Variants in AUH observed in about 807,000 individuals in gnomAD.
The protein encoded by AUH is methylglutaconyl-CoA hydratase, mitochondrial.
AUH carries 29 observed loss-of-function variants against 42.3 expected under a neutral mutation model. The ratio of observed to expected loss-of-function variants is 0.69; its 90% confidence interval spans 0.51 to 0.93. The LOEUF (loss-of-function observed/expected upper bound fraction) is 0.93, where lower values mean the gene tolerates loss of function less well. AUH is among the 40% of genes least tolerant of loss of function. The pLI, the probability that AUH is intolerant of heterozygous loss-of-function variation, is 0.00. For missense variants in AUH, 452 were observed against 438.1 expected, an observed-to-expected ratio of 1.03 and a Z score of -0.28; for synonymous variants, 174 against 166.4, an observed-to-expected ratio of 1.05 and a Z score of -0.35.
At chr9:91,230,465 T>G (rs1487004870) in intron 6 of AUH, among the ~76,000 whole-genome samples, 1 of 151,722 alleles carries the variant, frequency 6.6e-6, no homozygotes, top group East Asian at 1.9e-4. Flanking sequence ...CTAAATTTTT[T>G]TCAAAGTTTT....
At chr9:91,227,734 C>T (rs987355003) in intron 6 of AUH, among the ~76,000 whole-genome samples, 1 of 151,886 alleles carries the variant, frequency 6.6e-6, no homozygotes, top group African/African-American at 2.4e-5. Flanking sequence ...CCCATCAATA[C>T]CTAATTTATT....
At chr9:91,313,479 G>C (rs1237733935) in intron 4 of AUH, among the ~76,000 whole-genome samples, 1 of 152,026 alleles carries the variant, frequency 6.6e-6, no homozygotes, top group Admixed American at 6.6e-5. Context: ...GCCGAGGCGG[G>C]TGGATCATGA....
chr9:91,219,034 C>CA, intron 7 of AUH: 1 of 985,418 alleles, frequency 1.0e-6, no homozygotes, highest in Non-Finnish European at 1.2e-6. Flanking sequence ...GGCACATGCA[C>CA]AGGGACTGTG....
intron 3 of AUH, among the ~76,000 whole-genome samples, chr9:91,340,493 C>A (rs1055209728): frequency 6.6e-6 from 1 of 152,108 alleles, no homozygotes; most frequent in African/African-American, 2.4e-5. Flanking sequence ...CCCCGAAAAG[C>A]AATACATTAT....
At chr9:91,321,112 C>T (rs1829535728) in intron 4 of AUH, among the ~76,000 whole-genome samples, 1 of 152,052 alleles carries the variant, frequency 6.6e-6, no homozygotes, top group Non-Finnish European at 1.5e-5. Context: ...GTATTTTGAC[C>T]AATATCAATA....
intron 3 of AUH, among the ~76,000 whole-genome samples, chr9:91,328,137 CA>C (rs777541852): frequency 1.2e-4 from 18 of 152,320 alleles, no homozygotes; most frequent in Non-Finnish European, 2.4e-4. Flanking sequence ...GAGGCCAATC[CA>C]TCCCCTTGTG....
chr9:91,245,354 T>C (rs1443778008), intron 6 of AUH, among the ~76,000 whole-genome samples: 1 of 152,100 alleles, frequency 6.6e-6, no homozygotes, highest in African/African-American at 2.4e-5. Context: ...TGGCAGCCAA[T>C]GAAAAGTTTT....
intron 1 of AUH, among the ~76,000 whole-genome samples, chr9:91,360,088 C>T (rs1196783593): frequency 6.6e-6 from 1 of 151,958 alleles, no homozygotes; most frequent in Non-Finnish European, 1.5e-5. Flanking sequence ...ATTCTCTCTT[C>T]TGTCCATTCA....
At chr9:91,348,919 T>C (rs1831739314) in intron 3 of AUH, among the ~76,000 whole-genome samples, 3 of 152,182 alleles carry the variant, frequency 2.0e-5, no homozygotes, top group Non-Finnish European at 4.4e-5. Flanking sequence ...CATTTTTTAT[T>C]CCAACAAACA....
chr9:91,338,553 C>T (rs921850309), intron 3 of AUH, among the ~76,000 whole-genome samples: 1 of 152,200 alleles, frequency 6.6e-6, no homozygotes, highest in African/African-American at 2.4e-5. Flanking sequence ...GCCTCAGCCT[C>T]CCGAGTAGCT....
At chr9:91,352,265 C>T (rs1314741229) in intron 3 of AUH, among the ~76,000 whole-genome samples, 2 of 151,816 alleles carry the variant, frequency 1.3e-5, no homozygotes, top group Non-Finnish European at 2.9e-5. Context: ...ACAGGGAGAC[C>T]CCGTCTCAAA....
chr9:91,361,017 C>T (rs991949328), intron 1 of AUH, among the ~76,000 whole-genome samples: 4 of 152,182 alleles, frequency 2.6e-5, no homozygotes, highest in Admixed American at 1.3e-4. Flanking sequence ...ATGTCTCCTC[C>T]CGTAGAAGGT....
chr9:91,327,094 T>C (rs1830012590), intron 3 of AUH, among the ~76,000 whole-genome samples: 1 of 152,170 alleles, frequency 6.6e-6, no homozygotes, highest in Admixed American at 6.5e-5. Context: ...TAAAACCTCC[T>C]ATCAATCCTA....
chr9:91,316,201 T>C (rs904743608), intron 4 of AUH, among the ~76,000 whole-genome samples: 3 of 152,196 alleles, frequency 2.0e-5, no homozygotes, highest in African/African-American at 7.2e-5. Context: ...AGCAACCCAT[T>C]CATGAGCTAG....
chr9:91,279,919 G>A (rs1029672639), intron 6 of AUH, among the ~76,000 whole-genome samples: 1 of 152,170 alleles, frequency 6.6e-6, no homozygotes, highest in Non-Finnish European at 1.5e-5. Flanking sequence ...TTTTCTTAAA[G>A]GAATGTAAGC....
At chr9:91,215,171 G>A (rs1826749104) in intron 9 of AUH, among the ~76,000 whole-genome samples, 1 of 152,102 alleles carries the variant, frequency 6.6e-6, no homozygotes, top group Admixed American at 6.5e-5. Flanking sequence ...TGCTATTTCA[G>A]ATGCCCTAAA....
intron 1 of AUH, chr9:91,357,513 T>G (rs1380653364): frequency 2.1e-6 from 2 of 961,192 alleles, no homozygotes; most frequent in African/African-American, 3.5e-5. Flanking sequence ...GGAACTAGAG[T>G]CTAGGAGGGA....
At chr9:91,263,337 T>TA (rs1246066296) in intron 6 of AUH, among the ~76,000 whole-genome samples, 1 of 152,180 alleles carries the variant, frequency 6.6e-6, no homozygotes, top group Non-Finnish European at 1.5e-5. Context: ...CAACTAATAG[T>TA]AAAAAAGCAC....
intron 3 of AUH, among the ~76,000 whole-genome samples, chr9:91,331,167 A>G (rs1830296606): frequency 6.6e-6 from 1 of 152,210 alleles, no homozygotes. Context: ...GGGAGACAAA[A>G]AGAGTAAAAA....
Sources: gnomAD v4.1 joint callset for allele counts (sites outside exome capture counted in the v4.1 genomes callset) on GRCh38, gnomAD v4.1.1 for gene constraint, MANE v1.5 for transcripts, NCBI Gene and HGNC (gene_info 2026-07-23, HGNC 2026-07-21) for gene names.